Variants in TXNRD3 observed in about 807,000 individuals in gnomAD.
The protein encoded by TXNRD3 is TXNRD3 neighbor gene protein.
In TXNRD3, 68 loss-of-function variants were observed where a neutral mutation model predicts 78.2. That is an observed-to-expected ratio of 0.87 (90% CI 0.72 to 1.06). The LOEUF is 1.06. Among genes scored for constraint, TXNRD3 ranks in the 50% least tolerant of loss-of-function variants. The pLI is 0.00. For missense variants in TXNRD3, 751 were observed against 809.5 expected (o/e 0.93, Z 0.88); for synonymous variants, 296 against 300.1 (o/e 0.99, Z 0.14).
chr3:126,627,427 T>C (rs1174793217), intron 10 of TXNRD3, among the ~76,000 whole-genome samples: 1 of 152,212 alleles, frequency 6.6e-6, no homozygotes, highest in Non-Finnish European at 1.5e-5. Context: ...CACAGAGCGC[T>C]TTCTGGACTC....
chr3:126,635,179 A>G (rs549272389), intron 6 of TXNRD3, among the ~76,000 whole-genome samples: 36 of 152,188 alleles, frequency 2.4e-4, no homozygotes, highest in African/African-American at 7.7e-4. Flanking sequence ...TTTTCTTCCA[A>G]CCCTTAAACT....
chr3:126,618,863 CAAAAAA>C (rs36021189), intron 12 of TXNRD3, among the ~76,000 whole-genome samples: 23 of 73,114 alleles, frequency 3.1e-4, no homozygotes, highest in Admixed American at 1.8e-3. Flanking sequence ...AACTCAGAGC[CAAAAAA>C]AAAAAAAAAA....
chr3:126,639,294 A>C (rs576979557), intron 6 of TXNRD3, among the ~76,000 whole-genome samples: 19 of 152,264 alleles, frequency 1.2e-4, no homozygotes, highest in African/African-American at 4.6e-4. Context: ...GCCCTTAAAA[A>C]AGCCAAACTC....
At chr3:126,616,929 G>A (rs1938332219) in intron 12 of TXNRD3, among the ~76,000 whole-genome samples, 1 of 152,086 alleles carries the variant, frequency 6.6e-6, no homozygotes, top group Non-Finnish European at 1.5e-5. Context: ...TTCCCAACAT[G>A]GCTGACAAAA....
Position 126,634,079 on chromosome 3 carries a change from G to A in TXNRD3, c.713-28C>T, listed in dbSNP as rs528933705. On this transcript the variant is annotated intron_variant, in intron 6 of 15. Transcript: ENST00000524230. ...AAGAAGAAATAATCAGGGTGAAGATGTTAGGTGAATTTTACCTTTAATGGT... is the reference window on the plus strand; with the variant it reads ...AAGAAGAAATAATCAGGGTGAAGATATTAGGTGAATTTTACCTTTAATGGT... 205 of 1,451,952 alleles carry A rather than the reference G, an allele frequency of 1.4e-4. 3 individuals are homozygous for A. In the South Asian group the frequency reaches 1.6e-3, roughly 11 times the overall value. 89.9% of individuals were successfully genotyped at this position (1,451,952 alleles called of 1,614,324 possible).
At chr3:126,618,306 A>ATT (rs1336870539) in intron 12 of TXNRD3, among the ~76,000 whole-genome samples, 13 of 152,244 alleles carry the variant, frequency 8.5e-5, no homozygotes, top group African/African-American at 2.7e-4. Flanking sequence ...GCATTACACT[A>ATT]CCTGATTTCA....
chr3:126,608,733 T>G, intron 14 of TXNRD3, 100 bp from the exon 15 acceptor site: 1 of 1,294,286 alleles, frequency 7.7e-7, no homozygotes, highest in East Asian at 2.7e-5. Context: ...CAGTATCTAC[T>G]ACAGAAAAAG....
intron 12 of TXNRD3, among the ~76,000 whole-genome samples, chr3:126,619,955 G>A (rs1213934744): frequency 6.6e-6 from 1 of 151,990 alleles, no homozygotes; most frequent in Non-Finnish European, 1.5e-5. Context: ...AGAGCCACAT[G>A]TACTGAAGCG....
intron 1 of TXNRD3, among the ~76,000 whole-genome samples, chr3:126,651,225 C>G (rs1426077792): frequency 6.6e-6 from 1 of 152,156 alleles, no homozygotes; most frequent in Non-Finnish European, 1.5e-5. Context: ...TGTAAGAAAG[C>G]AGGCTACTCA....
In TXNRD3 at chr3:126,646,096, T is replaced by TAATA; in HGVS notation, c.414+11_414+14dup. ...TGAACAAACAGCATTGAAGAACATA[T>TAATA]AATAGTATTATTACCTGGAAAGTTT... On this transcript the variant is annotated intron_variant, in intron 3 of 15. Coordinates refer to ENST00000524230, the MANE Select transcript of TXNRD3 (RefSeq NM_052883.3). The TAATA allele has an allele frequency of 2.0e-6, 3 of 1,497,522 alleles. No homozygotes were observed. Among genetic ancestry groups the TAATA allele is most frequent in the Middle Eastern group, 1.7e-4 (1 of 5,842 alleles). The allele number at this position is 1,497,522 out of a possible 1,614,324, so 92.8% of individuals were successfully genotyped here.
intron 10 of TXNRD3, among the ~76,000 whole-genome samples, chr3:126,626,374 T>C (rs1297022090): frequency 2.0e-5 from 3 of 152,142 alleles, no homozygotes; most frequent in Non-Finnish European, 4.4e-5. Context: ...GTCACAGACG[T>C]GAAGAAAATA....
chr3:126,640,094 CTT>C (rs747114940), intron 6 of TXNRD3, among the ~76,000 whole-genome samples: 1 of 14,320 alleles, frequency 7.0e-5, no homozygotes, highest in African/African-American at 1.7e-4. Flanking sequence ...CTTGTGTTTT[CTT>C]TTTTTTTTTT....
chr3:126,652,884 A>G (rs549481883), intron 1 of TXNRD3, among the ~76,000 whole-genome samples: 14 of 152,384 alleles, frequency 9.2e-5, no homozygotes, highest in South Asian at 2.1e-4. Context: ...GATGCAAACA[A>G]TAACGAATGC....
chr3:126,621,334 T>A (rs181234304), intron 12 of TXNRD3, among the ~76,000 whole-genome samples: 29 of 152,358 alleles, frequency 1.9e-4, no homozygotes, highest in Admixed American at 1.5e-3. Flanking sequence ...CAAGAGCTCC[T>A]ATGCTATTAC....
chr3:126,650,864 C>T (rs963940403), intron 1 of TXNRD3, among the ~76,000 whole-genome samples: 19 of 152,180 alleles, frequency 1.2e-4, no homozygotes, highest in Admixed American at 1.0e-3. Flanking sequence ...CTGTTCTGAT[C>T]CTCCACAGAA....
intron 5 of TXNRD3, 81 bp from the exon 6 acceptor site, chr3:126,642,232 G>A: frequency 1.4e-6 from 2 of 1,416,684 alleles, no homozygotes; most frequent in Non-Finnish European, 1.8e-6. Flanking sequence ...AAAACATGTG[G>A]AAATGACAAG....
Position 126,647,239 on chromosome 3 carries a change from C to G in TXNRD3, c.301G>C (p.Val101Leu), listed in dbSNP as rs1249208198. Residue 101 changes from valine (V) to leucine (L), a missense_variant, in exon 2 of 16, where the codon GTT (valine) becomes CTT (leucine). Coordinates refer to ENST00000524230, the MANE Select transcript of TXNRD3 (RefSeq NM_052883.3). ...ATGTTGTAACTGGTCTACTTACCAA[C>G]TTGATCAAGTTCCAAGACATTACAT... 6.5e-7 allele frequency: 1 copy of G among 1,534,876 alleles called. No homozygotes were observed. Among genetic ancestry groups the G allele is most frequent in the South Asian group, 1.2e-5 (1 of 83,832 alleles).
intron 5 of TXNRD3, among the ~76,000 whole-genome samples, chr3:126,643,564 A>G (rs1474914286): frequency 6.6e-6 from 1 of 152,166 alleles, no homozygotes; most frequent in Admixed American, 6.5e-5. Context: ...GACCTCAACT[A>G]TACACTCAAA....
intron 5 of TXNRD3, 145 bp downstream of exon 5, chr3:126,643,835 TG>T: frequency 1.5e-6 from 1 of 672,568 alleles, no homozygotes; most frequent in Non-Finnish European, 2.2e-6. Context: ...CATGAGCCTC[TG>T]GGCCAGGCCT....
Sources: allele counts gnomAD v4.1 joint callset (sites outside exome capture counted in the v4.1 genomes callset), GRCh38; gene constraint gnomAD v4.1.1; transcripts MANE v1.5; gene names NCBI Gene and HGNC (gene_info 2026-07-23, HGNC 2026-07-21).